The following MYOM3 variants were observed in gnomAD, a reference collection of about 807,000 sequenced individuals.
The protein encoded by MYOM3 is myomesin 3, also known as myomesin-3.
In MYOM3, 155 loss-of-function variants were observed where a neutral mutation model predicts 191.7. The ratio of observed to expected loss-of-function variants is 0.81; its 90% CI spans 0.71 to 0.92. The LOEUF is 0.92. Ranked by LOEUF, MYOM3 falls within the 40% of genes least tolerant of loss-of-function variation. The probability of loss-of-function intolerance (pLI) is 0.00; values close to 1 mark genes in which losing one functional copy is unlikely to be tolerated. For synonymous variants in MYOM3, 757 were observed against 762.9 expected (o/e 0.99, Z 0.13); for missense variants, 1,889 against 1,890.6 (o/e 1.00, Z 0.02).
rs776450529 is a variant in MYOM3 at position 24,107,211 on chromosome 1, C to T, written c.264G>A (p.Gln88=). ...GCTCCTCCAGCTCCACGGCAGAGGTCTGGCGTCTCAGCTGGGCTTCCCTGC... is the reference window on the plus strand; with the variant it reads ...GCTCCTCCAGCTCCACGGCAGAGGTTTGGCGTCTCAGCTGGGCTTCCCTGC... ...ELSWEAQLRR[Q]TSAVELEERG... is the part of the protein sequence containing the mutation. Residue 88 remains glutamine (Q), a synonymous_variant, in exon 4 of 37, where the codon CAG becomes CAA. Coordinates refer to ENST00000374434, the MANE Select transcript of MYOM3 (RefSeq NM_152372.4). 4 of 1,603,256 alleles carry T rather than the reference C, an allele frequency of 2.5e-6. No homozygotes were observed. Among genetic ancestry groups the T allele is most frequent in the East Asian group, 4.5e-5 (2 of 44,336 alleles).
chr1:24,089,312 G>C (rs1042709101), intron 14 of MYOM3, among the ~76,000 whole-genome samples: 1 of 152,202 alleles, frequency 6.6e-6, no homozygotes. Context: ...GTATTTCCAC[G>C]AACAGCCTCA....
rs151237583 is a variant in MYOM3 at position 24,106,164 on chromosome 1, C to T, written c.403-87G>A. ...CATTACCTCCCCACTGACACCCAGACTCTGTAGTTAGACCCACATGGGCTG... is the reference window on the plus strand; with the variant it reads ...CATTACCTCCCCACTGACACCCAGATTCTGTAGTTAGACCCACATGGGCTG... On this transcript the variant is annotated intron_variant, in intron 4 of 36. Transcript: ENST00000374434. The T allele has an allele frequency of 3.7e-5, 53 of 1,416,818 alleles. No homozygotes were observed. The Middle Eastern group carries it at 1.4e-3, about 39-fold the overall frequency. The allele number at this position is 1,416,818 out of a possible 1,614,324, so 87.8% of individuals were successfully genotyped here. A position where few individuals can be genotyped will look rare whatever the true frequency, so the allele number is the denominator to read the frequency against.
intron 18 of MYOM3, chr1:24,081,775 T>G: frequency 1.7e-6 from 1 of 596,404 alleles, no homozygotes; most frequent in Non-Finnish European, 2.9e-6. Flanking sequence ...TGTTGCAGAC[T>G]GGTCTCAAAC....
chr1:24,065,860 A>AC (rs767260484), intron 29 of MYOM3, 31 bp downstream of exon 29: 2 of 1,505,138 alleles, frequency 1.3e-6, no homozygotes, highest in Non-Finnish European at 1.9e-6. Context: ...CCAAAGGAGA[A>AC]AGTGAGCCCT....
Position 24,090,811 on chromosome 1 carries a change from G to A in MYOM3, c.1418C>T (p.Ala473Val), listed in dbSNP as rs1194723174. ...TCTGTACCCACCTGTCTTCCTCCGG[G>A]CTGCATCATGGTCACCCATGACAAC... ...ELVVMGDHDA[A>V]RRKTEIPFDL... Residue 473 changes from alanine to valine, a missense_variant, in exon 12 of 37, where the codon GCC becomes GTC. Physicochemically the swap from Ala to Val is moderately conservative, Grantham distance 64. Coordinates refer to ENST00000374434, the MANE Select transcript of MYOM3 (RefSeq NM_152372.4). 1.2e-6 allele frequency: 2 copies of A among 1,613,986 alleles called. No homozygotes were observed. The highest frequency in any genetic ancestry group is 1.3e-5 in the African/African-American group (1 of 74,918).
chr1:24,072,076 G>A, intron 23 of MYOM3, 63 bp from the exon 24 acceptor site: 4 of 1,542,130 alleles, frequency 2.6e-6, no homozygotes, highest in Non-Finnish European at 2.7e-6. Context: ...GGGGGTGGGG[G>A]GCCCACAGGA....
chr1:24,082,664 C>T lies in MYOM3; in HGVS notation c.2021G>A (p.Arg674Lys), dbSNP rs575236207. ...RTGKEYEFCVRSVSEAGVGES... is the reference protein window; with the variant it reads ...RTGKEYEFCVKSVSEAGVGES... Reference sequence around the variant, plus strand: ...GCCTACCCCAGCCTCGCTGACTGACCTGACACAAAACTCGTACTCCTTCCC... The same window carrying T: ...GCCTACCCCAGCCTCGCTGACTGACTTGACACAAAACTCGTACTCCTTCCC... Residue 674 changes from arginine (R) to lysine (K), a missense_variant, in exon 17 of 37, where the codon AGG becomes AAG. Physicochemically the swap from Arg to Lys is conservative, Grantham distance 26 (BLOSUM62 2). Coordinates refer to ENST00000374434, the MANE Select transcript of MYOM3 (RefSeq NM_152372.4). 1 of 1,612,766 alleles carries T rather than the reference C, an allele frequency of 6.2e-7. No homozygotes were observed. Among genetic ancestry groups the T allele is most frequent in the South Asian group, 1.1e-5 (1 of 90,718 alleles).
At chr1:24,104,729 T>C (rs1278024680) in intron 5 of MYOM3, among the ~76,000 whole-genome samples, 1 of 152,186 alleles carries the variant, frequency 6.6e-6, no homozygotes, top group Non-Finnish European at 1.5e-5. Context: ...TTAAATTTCC[T>C]GTAGAGATGG....
intron 9 of MYOM3, among the ~76,000 whole-genome samples, chr1:24,093,788 A>C (rs994562032): frequency 2.6e-5 from 4 of 152,156 alleles, no homozygotes; most frequent in Non-Finnish European, 5.9e-5. Flanking sequence ...TGCAGCTGTC[A>C]GGGATCCTGA....
chr1:24,059,948 G>A (rs951709561), intron 35 of MYOM3, among the ~76,000 whole-genome samples: 1 of 152,176 alleles, frequency 6.6e-6, no homozygotes, highest in Non-Finnish European at 1.5e-5. Flanking sequence ...GATGGGGAGG[G>A]GAAGGCCCCA....
intron 17 of MYOM3, 94 bp downstream of exon 17, chr1:24,082,499 C>T: frequency 6.9e-7 from 1 of 1,449,072 alleles, no homozygotes; most frequent in Non-Finnish European, 9.1e-7. Flanking sequence ...TGCCACTGGC[C>T]ACCAGGACTG....
rs150496513 is a variant in MYOM3 at position 24,105,231 on chromosome 1, C to T, written c.560+689G>A. Among the ~76,000 whole-genome samples, 559 of 152,286 alleles carry T rather than the reference C, an allele frequency of 3.7e-3. 5 individuals carry two copies. The highest frequency in any genetic ancestry group is 0.027 in the Middle Eastern group (8 of 294). On this transcript the variant is annotated intron_variant, in intron 5 of 36. Coordinates refer to ENST00000374434, the MANE Select transcript of MYOM3 (RefSeq NM_152372.4). Reference sequence around the variant, plus strand: ...CGTTAAATTCTCATCACATGCAGGCCGGACAGGAGGTCTTCAATCCACTCT... The same window carrying T: ...CGTTAAATTCTCATCACATGCAGGCTGGACAGGAGGTCTTCAATCCACTCT...
chr1:24,060,955 C>G (rs1643362688), intron 35 of MYOM3, 105 bp downstream of exon 35: 1 of 1,293,490 alleles, frequency 7.7e-7, no homozygotes, highest in African/African-American at 1.5e-5. Context: ...CCCCACAGAC[C>G]CCACTGTGGA....
chr1:24,089,052 G>A (rs532128118), intron 14 of MYOM3, among the ~76,000 whole-genome samples: 2 of 152,134 alleles, frequency 1.3e-5, no homozygotes, highest in African/African-American at 4.8e-5. Flanking sequence ...CCTCATCCCC[G>A]CCGGGGTCTC....
Position 24,087,100 on chromosome 1 carries a change from G to A in MYOM3, c.1615-273C>T, listed in dbSNP as rs1040515345. ...GTGGCCCCCATCCTTCCAGTCCCTC[G>A]GGTGAAACCCCTGGAGCCACCCTTG... is the stretch of plus-strand genomic sequence containing the variant. On this transcript the variant is annotated intron_variant, in intron 14 of 36. Transcript: ENST00000374434. This position sits in a 1 kb window ranked among gnomAD's most constrained non-coding sequence, Gnocchi z 4.5. Among the ~76,000 whole-genome samples, 1 of 152,038 alleles carries A rather than the reference G, an allele frequency of 6.6e-6. No individual in the cohort carries two copies. The highest frequency in any genetic ancestry group is 2.4e-5 in the African/African-American group (1 of 41,384).
chr1:24,103,873 CT>C (rs1643959937), intron 5 of MYOM3, among the ~76,000 whole-genome samples: 1 of 151,788 alleles, frequency 6.6e-6, no homozygotes, highest in Non-Finnish European at 1.5e-5. Flanking sequence ...TGGCTCAGTC[CT>C]TTGGATGTTA....
chr1:24,084,571 C>T lies in MYOM3; in HGVS notation c.1867G>A (p.Asp623Asn), dbSNP rs1643712796. 6.2e-7 allele frequency: 1 copy of T among 1,614,024 alleles called. No homozygotes were observed. The highest frequency in any genetic ancestry group is 1.1e-5 in the South Asian group (1 of 91,066). Residue 623 changes from aspartate (D) to asparagine (N), a missense_variant, in exon 16 of 37, where the codon GAT becomes AAT. By Grantham distance (23) the Asp-to-Asn change is conservative. Coordinates refer to ENST00000374434, the MANE Select transcript of MYOM3 (RefSeq NM_152372.4). ...AGGAGCTCTGGGTCTTTCACAGGAT[C>T]CCATGTCAGGGAGACAGAGGTCTGT... ...DTQTSVSLTWDPVKDPELLGY... is the reference protein window; with the variant it reads ...DTQTSVSLTWNPVKDPELLGY...
intron 17 of MYOM3, 54 bp downstream of exon 17, chr1:24,082,539 A>G: frequency 6.6e-7 from 1 of 1,513,846 alleles, no homozygotes; most frequent in East Asian, 2.4e-5. Flanking sequence ...TATGAGCCCC[A>G]GCTCCCTGCC....
At chr1:24,095,412 C>A in intron 8 of MYOM3, 30 bp downstream of exon 8, 1 of 1,603,194 alleles carries the variant, frequency 6.2e-7, no homozygotes, top group Non-Finnish European at 8.5e-7. Flanking sequence ...ACAAAGAATC[C>A]CAGGTCCCGT....
Sources: gnomAD v4.1 joint callset for allele counts (sites outside exome capture counted in the v4.1 genomes callset) on GRCh38, gnomAD v4.1.1 for gene constraint, Gnocchi (gnomAD v3.1) non-coding constraint, MANE v1.5 for transcripts, NCBI Gene and HGNC (gene_info 2026-07-23, HGNC 2026-07-21) for gene names.